Variants in SERPINA12 observed in about 807,000 individuals in gnomAD.
The protein encoded by SERPINA12 is serpin family A member 12, also known as serpin A12.
A neutral mutation model predicts 25.9 loss-of-function variants in SERPINA12; 21 were observed. The ratio of observed to expected loss-of-function variants is 0.81; its 90% CI spans 0.58 to 1.17. SERPINA12 has a LOEUF of 1.17. SERPINA12 is among the 50% of genes most tolerant of loss of function. SERPINA12 has a pLI of 0.00. For missense variants in SERPINA12, 562 were observed against 508.3 expected, an observed-to-expected ratio of 1.11 and a Z score of -1.02; for synonymous variants, 220 against 196.0, an observed-to-expected ratio of 1.12 and a Z score of -1.02.
intron 1 of SERPINA12, among the ~76,000 whole-genome samples, chr14:94,499,523 C>T (rs888842692): frequency 4.6e-5 from 7 of 152,204 alleles, no homozygotes; most frequent in South Asian, 2.1e-4. Flanking sequence ...ATATGTAAAA[C>T]GAAGGCAGAT....
Position 94,498,076 on chromosome 14 carries a change from G to C in SERPINA12, c.322C>G (p.Pro108Ala). 1.2e-6 allele frequency: 2 copies of C among 1,614,154 alleles called. No homozygotes were observed. Among genetic ancestry groups the C allele is most frequent in the Non-Finnish European group, 1.7e-6 (2 of 1,180,028 alleles). Residue 108 changes from proline to alanine, a missense_variant, in exon 2 of 5, where the codon CCA becomes GCA. By Grantham distance (27) the Pro-to-Ala change is conservative. Coordinates refer to ENST00000677451, the MANE Select transcript of SERPINA12 (RefSeq NM_001382267.1). Reference protein sequence around the residue: ...IKQGFNFRKMPEKDLHEGFHY... With the variant: ...IKQGFNFRKMAEKDLHEGFHY... ...AAGCCCTCATGAAGATCTTTTTCTG[G>C]CATCTTTCTGAAGTTGAACCCCTGC...
intron 1 of SERPINA12, among the ~76,000 whole-genome samples, chr14:94,504,923 C>A (rs1900879388): frequency 6.6e-6 from 1 of 152,068 alleles, no homozygotes; most frequent in Admixed American, 6.6e-5. Context: ...AAATAAAATT[C>A]TTATCTTCAG....
chr14:94,509,854 T>C, upstream of SERPINA12: 1 of 443,172 alleles, frequency 2.3e-6, no homozygotes, highest in Non-Finnish European at 3.0e-6. Context: ...CCCTGATCCC[T>C]GTGATCATCT....
upstream of SERPINA12, chr14:94,511,437 T>A (rs1901107367): frequency 1.0e-6 from 1 of 985,284 alleles, no homozygotes; most frequent in African/African-American, 1.7e-5. Context: ...AATATGTGGA[T>A]ACAACTAGTG....
intron 1 of SERPINA12, among the ~76,000 whole-genome samples, chr14:94,508,792 C>T (rs899605015): frequency 1.3e-5 from 2 of 152,104 alleles, no homozygotes; most frequent in African/African-American, 4.8e-5. Flanking sequence ...TCTCAATCAG[C>T]AAAAAGTAAA....
intron 1 of SERPINA12, among the ~76,000 whole-genome samples, chr14:94,506,183 C>A (rs951955365): frequency 3.9e-5 from 6 of 152,218 alleles, no homozygotes; most frequent in Middle Eastern, 3.4e-3. Context: ...AGGCACTGGT[C>A]GGAGGCTGAG....
intron 4 of SERPINA12, among the ~76,000 whole-genome samples, chr14:94,489,149 G>GAAAGAA (rs1555376676): frequency 2.7e-5 from 4 of 145,818 alleles, no homozygotes; most frequent in Non-Finnish European, 6.0e-5. Context: ...GAGAGAGAGA[G>GAAAGAA]AGAAAGAAAG....
chr14:94,502,466 T>C (rs138568851), intron 1 of SERPINA12, among the ~76,000 whole-genome samples: 185 of 152,248 alleles, frequency 1.2e-3, no homozygotes, highest in African/African-American at 4.3e-3. Flanking sequence ...TCAACAATAA[T>C]AATATTTCTA....
intron 4 of SERPINA12, among the ~76,000 whole-genome samples, chr14:94,488,008 G>C (rs535200867): frequency 6.6e-6 from 1 of 152,252 alleles, no homozygotes; most frequent in East Asian, 1.9e-4. Flanking sequence ...GGAAACTAAC[G>C]GGCATGTGTG....
rs141798671 is a variant in SERPINA12, at chr14:94,496,550, C to A, written c.728G>T (p.Arg243Leu). ...ATAGCCAACTTGGTATATGCCACTA[C>A]GGAACATCATGGGCACCTTGACTGA... ...NSSVKVPMMF[R>L]SGIYQVGYDD... Residue 243 changes from arginine (R) to leucine (L), a missense_variant, in exon 3 of 5, where the codon CGT becomes CTT. Arg to Leu is a moderately radical substitution (Grantham distance 102). Transcript: ENST00000677451. 3 of 1,614,028 alleles carry A rather than the reference C, an allele frequency of 1.9e-6. No individual in the cohort carries two copies. The highest frequency in any genetic ancestry group is 2.5e-6 in the Non-Finnish European group (3 of 1,179,956).
Position 94,496,496 on chromosome 14 carries a change from T to C in SERPINA12, c.782A>G (p.Glu261Gly). Residue 261 changes from glutamate (E) to glycine (G), a missense_variant, in exon 3 of 5, where the codon GAA becomes GGA. By Grantham distance (98) the Glu-to-Gly change is moderately conservative. Transcript: ENST00000677451. ...TGTGATATTTTTCTGGTAGGGTATT[T>C]CCAGGATGGTGCAAGAGAGCTTATC... ...YDDKLSCTIL[E>G]IPYQKNITAI... 1 of 1,614,132 alleles carries C rather than the reference T, an allele frequency of 6.2e-7. No individual in the cohort carries two copies. Among genetic ancestry groups the C allele is most frequent in the Non-Finnish European group, 8.5e-7 (1 of 1,180,016 alleles).
At chr14:94,502,588 C>A (rs1900776981) in intron 1 of SERPINA12, among the ~76,000 whole-genome samples, 1 of 152,196 alleles carries the variant, frequency 6.6e-6, no homozygotes, top group South Asian at 2.1e-4. Context: ...GGTTTGGAAC[C>A]ACAGTTTTCT....
At chr14:94,517,190 T>G (rs971257372) in intron 1 of SERPINA12, among the ~76,000 whole-genome samples, 1 of 148,864 alleles carries the variant, frequency 6.7e-6, no homozygotes, top group Non-Finnish European at 1.5e-5. Flanking sequence ...AGTGGGACCA[T>G]GTGTAGCACA....
At chr14:94,505,578 G>A (rs1390723126) in intron 1 of SERPINA12, among the ~76,000 whole-genome samples, 1 of 152,198 alleles carries the variant, frequency 6.6e-6, no homozygotes, top group Non-Finnish European at 1.5e-5. Context: ...TGACTGTAGA[G>A]GCTATAGTGG....
chr14:94,508,437 T>C (rs1042012441), intron 1 of SERPINA12, among the ~76,000 whole-genome samples: 23 of 151,978 alleles, frequency 1.5e-4, no homozygotes, highest in African/African-American at 5.6e-4. Context: ...CTGTAAATAG[T>C]AAAAAATTCA....
chr14:94,515,457 GAGCCACCCACTC>G (rs1901209395), intron 2 of SERPINA12, among the ~76,000 whole-genome samples: 2 of 152,246 alleles, frequency 1.3e-5, no homozygotes, highest in Admixed American at 1.3e-4. Context: ...AAGGAGCAGG[GAGCCACCCACTC>G]AGCATCTCCG....
chr14:94,488,686 C>A (rs1427595984), intron 4 of SERPINA12, among the ~76,000 whole-genome samples: 1 of 152,144 alleles, frequency 6.6e-6, no homozygotes, highest in Non-Finnish European at 1.5e-5. Context: ...GTGACTCTAC[C>A]TATATGGTGC....
At chr14:94,505,845 G>A (rs1900911890) in intron 1 of SERPINA12, among the ~76,000 whole-genome samples, 1 of 152,222 alleles carries the variant, frequency 6.6e-6, no homozygotes, top group African/African-American at 2.4e-5. Context: ...AGTGCCAGAG[G>A]CCAGTAGGCC....
At chr14:94,491,490 C>T (rs1900177574) in intron 3 of SERPINA12, among the ~76,000 whole-genome samples, 1 of 151,826 alleles carries the variant, frequency 6.6e-6, no homozygotes, top group Admixed American at 6.6e-5. Flanking sequence ...AGAATATACT[C>T]TTGGTGGTGG....
Sources: gnomAD v4.1 joint callset for allele counts (sites outside exome capture counted in the v4.1 genomes callset) on GRCh38, gnomAD v4.1.1 for gene constraint, MANE v1.5 for transcripts, NCBI Gene and HGNC (gene_info 2026-07-23, HGNC 2026-07-21) for gene names.